DARS2: variants seen among roughly 807,000 people sequenced by gnomAD.
DARS2 encodes aspartate--tRNA ligase, mitochondrial.
DARS2 carries 63 observed loss-of-function variants against 83.0 expected under a neutral mutation model. The ratio of observed to expected loss-of-function variants is 0.76; its 90% CI spans 0.62 to 0.94. The LOEUF is 0.94. DARS2 is among the 40% of genes least tolerant of loss of function. DARS2 has a pLI of 0.00. For missense variants in DARS2, 675 were observed against 774.4 expected, an observed-to-expected ratio of 0.87 and a Z score of 1.52; for synonymous variants, 250 against 269.3, an observed-to-expected ratio of 0.93 and a Z score of 0.70.
In DARS2 at chr1:173,836,960, A is replaced by G. The variant is rs780814009; in HGVS notation, c.684A>G (p.Val228=). 11 of 1,614,002 alleles carry G rather than the reference A, an allele frequency of 6.8e-6. No homozygotes were observed. The East Asian group carries it at 2.0e-4, about 29-fold the overall frequency. ...GAAAGGGTGCCAAAGAGTTTTTAGT[A>G]CCATCCAGGGAACCTGGAAAGTTTT... The part of the protein sequence containing the change: ...RTPGGAKEFL[V]PSREPGKFYS... Residue 228 remains valine, a synonymous_variant, in exon 8 of 17, where the codon GTA becomes GTG. Coordinates refer to ENST00000649689, the MANE Select transcript of DARS2 (RefSeq NM_018122.5).
At chr1:173,825,411 G>A in intron 1 of DARS2, 55 bp downstream of exon 1, 5 of 1,563,974 alleles carry the variant, frequency 3.2e-6, no homozygotes, top group Non-Finnish European at 3.5e-6. Flanking sequence ...TGTTATCTAC[G>A]GCCGGAGAGC....
At chr1:173,850,541 T>G in intron 13 of DARS2, 62 bp downstream of exon 13, 1 of 1,538,798 alleles carries the variant, frequency 6.5e-7, no homozygotes, top group Non-Finnish European at 8.9e-7. Context: ...TACTCTCCTA[T>G]GTATATAGTA....
intron 2 of DARS2, 109 bp from the exon 3 acceptor site, chr1:173,828,224 A>G (rs1652658068): frequency 9.3e-7 from 1 of 1,073,140 alleles, no homozygotes; most frequent in Admixed American, 2.3e-5. Flanking sequence ...ATAAAAAAGA[A>G]ACATGAAAAA....
rs568238769 is a variant in DARS2, at chr1:173,830,952, C to G, written c.396+191C>G. 8.5e-4 allele frequency among the ~76,000 whole-genome samples: 130 copies of G among 152,304 alleles called. 4 individuals carry two copies. Among genetic ancestry groups the G allele is most frequent in the Non-Finnish European group, 8.4e-4 (57 of 68,024 alleles). ...GTAAATATGCATGCTAAGTCTCACT[C>G]TGTCACCAGGCTGGAGTACGGTGGC... is the stretch of plus-strand genomic sequence containing the variant. On this transcript the variant is annotated intron_variant, in intron 4 of 16. Coordinates refer to ENST00000649689, the MANE Select transcript of DARS2 (RefSeq NM_018122.5).
chr1:173,835,597 C>A (rs959661481), intron 7 of DARS2, among the ~76,000 whole-genome samples: 5 of 151,648 alleles, frequency 3.3e-5, no homozygotes, highest in African/African-American at 1.2e-4. Flanking sequence ...AAGAACAAAT[C>A]TCTTATATAT....
At chr1:173,851,980 C>A in intron 13 of DARS2, 1 of 985,386 alleles carries the variant, frequency 1.0e-6, no homozygotes, top group Non-Finnish European at 1.2e-6. Flanking sequence ...TTGTTCCTAA[C>A]TAATTTGGCT....
In DARS2 at chr1:173,854,758, G is replaced by C. The variant is rs1003233714; in HGVS notation, c.1674+853G>C. Among the ~76,000 whole-genome samples the C allele has an allele frequency of 2.0e-5, 3 of 152,212 alleles. No homozygotes were observed. The East Asian group carries it at 5.8e-4, about 29-fold the overall frequency. On this transcript the variant is annotated intron_variant, in intron 15 of 16. Transcript: ENST00000649689. ...ATGTTGATAATGTTAGAGAAAGAGA[G>C]AGAAGTTTGAAAAGATTTTATATCA... is the stretch of plus-strand genomic sequence containing the variant.
chr1:173,858,385 A>G lies in DARS2; in HGVS notation c.*680A>G, dbSNP rs1358171699. ...GCTGGAATCAGAGGAGATAACATATATGGAAGATAAAGTGAATAAAAGTAC... is the reference window on the plus strand; with the variant it reads ...GCTGGAATCAGAGGAGATAACATATGTGGAAGATAAAGTGAATAAAAGTAC... On this transcript the variant is annotated 3_prime_UTR_variant, in exon 17 of 17. Coordinates refer to ENST00000649689, the MANE Select transcript of DARS2 (RefSeq NM_018122.5). The G allele has an allele frequency of 6.5e-6, 1 of 152,844 alleles. No homozygotes were observed. The highest frequency in any genetic ancestry group is 2.4e-5 in the African/African-American group (1 of 41,454). The allele number at this position is 152,844 out of a possible 1,614,324, so 9.5% of individuals were successfully genotyped here. A position where few individuals can be genotyped will look rare whatever the true frequency, so the allele number is the denominator to read the frequency against.
At chr1:173,856,612 G>GCACTTTCTT (rs746305044) in intron 15 of DARS2, 54 bp from the exon 16 acceptor site, 458 of 1,500,776 alleles carry the variant, frequency 3.1e-4, no homozygotes, top group Non-Finnish European at 3.9e-4. Flanking sequence ...CTAGATGGTG[G>GCACTTTCTT]CACTTAGTGG....
At chr1:173,844,912 A>G (rs1308766574) in intron 11 of DARS2, among the ~76,000 whole-genome samples, 3 of 145,194 alleles carry the variant, frequency 2.1e-5, no homozygotes, top group South Asian at 2.2e-4. Context: ...TCCTGCCTCA[A>G]CCTCCCGAGT....
In DARS2 at chr1:173,857,500, T is replaced by C. The variant is rs150020568; in HGVS notation, c.1751-18T>C. 1.3e-5 allele frequency: 21 copies of C among 1,610,948 alleles called. No individual in the cohort carries two copies. In the African/African-American group the frequency reaches 2.5e-4, roughly 19 times the overall value. ...TAGATTACATTTCTCATCTGTTATC[T>C]TTGTATTTTACTCACAGGGTTAGAC... On this transcript the variant is annotated intron_variant, in intron 16 of 16. Transcript: ENST00000649689.
In DARS2 at chr1:173,843,091, G is replaced by A. The variant is rs149872982; in HGVS notation, c.1128+2118G>A. 8.9e-3 allele frequency among the ~76,000 whole-genome samples: 1,359 copies of A among 152,146 alleles called. 17 individuals carry two copies. The highest frequency in any genetic ancestry group is 0.032 in the African/African-American group (1,310 of 41,526). ...AAGTAGATATAAGAACTGCAGGAGT[G>A]TGGATCATGTTTTCATCTTTTTATA... On this transcript the variant is annotated intron_variant, in intron 11 of 16. Coordinates refer to ENST00000649689, the MANE Select transcript of DARS2 (RefSeq NM_018122.5).
At chr1:173,845,615 G>C (rs1472248970) in intron 12 of DARS2, among the ~76,000 whole-genome samples, 2 of 152,096 alleles carry the variant, frequency 1.3e-5, no homozygotes, top group African/African-American at 2.4e-5. Flanking sequence ...CCTAGTCCCA[G>C]CTACTTAGGA....
chr1:173,834,403 T>A, intron 6 of DARS2, 70 bp from the exon 7 acceptor site: 1 of 1,159,108 alleles, frequency 8.6e-7, no homozygotes, highest in Non-Finnish European at 1.3e-6. Flanking sequence ...TGTTGTACTA[T>A]ATTGTGGACA....
At position 173,834,745 on chromosome 1, in the gene DARS2, T is replaced by TA. The variant is rs1331884157; in HGVS notation, c.663+226_663+227insA. On this transcript the variant is annotated intron_variant, in intron 7 of 16. Coordinates refer to ENST00000649689, the MANE Select transcript of DARS2 (RefSeq NM_018122.5). ...TTGAGTTTTTTTGTTTTTTTTTTTT[T>TA]TTTTTTTTTTTTGGTTTGTTTTGGG... Among the ~76,000 whole-genome samples the TA allele has an allele frequency of 7.2e-5, 9 of 125,058 alleles. 1 individual carries two copies. Among genetic ancestry groups the TA allele is most frequent in the African/African-American group, 2.9e-4 (7 of 24,094 alleles). The allele number at this position is 125,058 out of a possible 152,430, so 82.0% of individuals were successfully genotyped here.
At chr1:173,825,558 T>A (rs1652481789) in intron 1 of DARS2, among the ~76,000 whole-genome samples, 1 of 151,744 alleles carries the variant, frequency 6.6e-6, no homozygotes, top group Non-Finnish European at 1.5e-5. Context: ...AAGCTCCGCC[T>A]CCCGGGTTCA....
intron 12 of DARS2, among the ~76,000 whole-genome samples, chr1:173,848,051 C>T (rs565764486): frequency 3.9e-5 from 6 of 151,982 alleles, no homozygotes; most frequent in African/African-American, 4.8e-5. Flanking sequence ...GATGGGGTTT[C>T]GCTGTGTTAG....
In DARS2 at chr1:173,850,315, T is replaced by C. The variant is rs765415055; in HGVS notation, c.1192-12T>C. The C allele has an allele frequency of 1.3e-6, 2 of 1,598,266 alleles. No homozygotes were observed. Among genetic ancestry groups the C allele is most frequent in the South Asian group, 1.2e-5 (1 of 86,638 alleles). On this transcript the variant is annotated splice_polypyrimidine_tract_variant and intron_variant, in intron 12 of 16. Transcript: ENST00000649689. Reference sequence around the variant, plus strand: ...AAAAAAAAACGTGAATAAGTCTTTTTCTTTTACACAGGAAATCTTACCTGT... The same window carrying C: ...AAAAAAAAACGTGAATAAGTCTTTTCCTTTTACACAGGAAATCTTACCTGT...
chr1:173,833,524 T>G (rs374932532), intron 6 of DARS2, 25 bp downstream of exon 6: 2 of 1,613,920 alleles, frequency 1.2e-6, no homozygotes, highest in Non-Finnish European at 1.7e-6. Flanking sequence ...TGGATGCTCT[T>G]TGGAGCTTTG....
Sources: allele counts gnomAD v4.1 joint callset (sites outside exome capture counted in the v4.1 genomes callset), GRCh38; gene constraint gnomAD v4.1.1; transcripts MANE v1.5; gene names NCBI Gene and HGNC (gene_info 2026-07-23, HGNC 2026-07-21).